Variants in NOL4 observed in about 807,000 individuals in gnomAD.
NOL4 encodes nucleolar protein 4.
In NOL4, 17 loss-of-function variants were observed where a neutral mutation model predicts 75.9. The ratio of observed to expected loss-of-function variants is 0.22; its 90% CI spans 0.15 to 0.34. NOL4 has a LOEUF of 0.34. NOL4 is among the 10% of genes least tolerant of loss of function. The pLI, the probability that NOL4 is intolerant of heterozygous loss-of-function variation, is 1.00. For synonymous variants in NOL4, 292 were observed against 289.9 expected (o/e 1.01, Z -0.07); for missense variants, 614 against 793.5 (o/e 0.77, Z 2.72).
chr18:34,149,548 G>A (rs1489189455), intron 1 of NOL4, among the ~76,000 whole-genome samples: 1 of 151,514 alleles, frequency 6.6e-6, no homozygotes, highest in East Asian at 1.9e-4. Flanking sequence ...TGTTTTAATA[G>A]GAAGTAAACA....
At chr18:33,985,221 G>A (rs114099203) in intron 6 of NOL4, among the ~76,000 whole-genome samples, 83 of 152,202 alleles carry the variant, frequency 5.5e-4, no homozygotes, top group African/African-American at 1.9e-3. Context: ...AACTCTAAAT[G>A]TTTACCACAG....
rs551537304 is a variant in NOL4, at chr18:33,851,659, A to G, written c.*1183T>C. 4.2e-4 allele frequency: 64 copies of G among 152,552 alleles called. No homozygotes were observed. Among genetic ancestry groups the G allele is most frequent in the African/African-American group, 1.5e-3 (63 of 41,574 alleles). The allele number at this position is 152,552 out of a possible 1,614,324, so 9.4% of individuals were successfully genotyped here. ...AGGCTTGTCTCAGTGCACAAAGAAA[A>G]CATCACTCATGTGTATCCCACACTA... On this transcript the variant is annotated 3_prime_UTR_variant, in exon 11 of 11. Transcript: ENST00000261592.
chr18:34,112,097 G>T (rs546828761), intron 2 of NOL4, among the ~76,000 whole-genome samples: 1 of 151,952 alleles, frequency 6.6e-6, no homozygotes, highest in East Asian at 1.9e-4. Context: ...GGCCAGGTAC[G>T]GTGGCCCACA....
chr18:34,189,569 A>G (rs112828298), intron 1 of NOL4, among the ~76,000 whole-genome samples: 2,905 of 152,226 alleles, frequency 0.019, 47 homozygotes, highest in South Asian at 0.032. Context: ...AAATCAAAGA[A>G]TCCCTATTAA....
At chr18:34,222,501 C>T (rs1806559766) in intron 1 of NOL4, 3 of 953,758 alleles carry the variant, frequency 3.1e-6, no homozygotes, top group Admixed American at 6.1e-5. Context: ...AACCCCACAT[C>T]CACCGCTAGC....
chr18:33,941,865 T>C (rs2068513406), intron 9 of NOL4, among the ~76,000 whole-genome samples: 1 of 151,950 alleles, frequency 6.6e-6, no homozygotes, highest in Non-Finnish European at 1.5e-5. Flanking sequence ...TAGATACATT[T>C]TATAGATATA....
At chr18:33,915,668 T>C (rs962080140) in intron 9 of NOL4, among the ~76,000 whole-genome samples, 1 of 152,120 alleles carries the variant, frequency 6.6e-6, no homozygotes, top group African/African-American at 2.4e-5. Context: ...TATGAAGAAC[T>C]GTCTTATGAA....
intron 10 of NOL4, among the ~76,000 whole-genome samples, chr18:33,882,180 G>A (rs1409350337): frequency 6.6e-6 from 1 of 152,128 alleles, no homozygotes; most frequent in African/African-American, 2.4e-5. Context: ...AAAAGCAATG[G>A]CAACAAAAGC....
intron 9 of NOL4, among the ~76,000 whole-genome samples, chr18:33,900,938 A>T (rs2065711877): frequency 6.6e-6 from 1 of 152,292 alleles, no homozygotes; most frequent in Non-Finnish European, 1.5e-5. Flanking sequence ...ATGTAGATGC[A>T]TTATTTGTTA....
At position 34,019,395 on chromosome 18, in the gene NOL4, T is replaced by G. The variant is rs1428689855; in HGVS notation, c.979A>C (p.Asn327His). The change falls in exon 6 of 11, where the codon AAT (asparagine) becomes CAT (histidine). Residue 327 changes from asparagine to histidine, a missense_variant. Physicochemically the swap from Asn to His is moderately conservative, Grantham distance 68. Coordinates refer to ENST00000261592, the MANE Select transcript of NOL4 (RefSeq NM_003787.5). ...AGATTCTTATACTTGTTTTTCCCATTACTGTTGTGATCATCTATTCTGTAT... is the reference window on the plus strand; with the variant it reads ...AGATTCTTATACTTGTTTTTCCCATGACTGTTGTGATCATCTATTCTGTAT... Reference protein sequence around the residue: ...SEYRIDDHNSNGKNKYKNLLI... With the variant: ...SEYRIDDHNSHGKNKYKNLLI... 6.2e-7 allele frequency: 1 copy of G among 1,614,038 alleles called. No homozygotes were observed. The highest frequency in any genetic ancestry group is 1.7e-5 in the Admixed American group (1 of 60,002).
intron 6 of NOL4, among the ~76,000 whole-genome samples, chr18:33,999,143 G>GTTTTT (rs543045505): frequency 1.5e-5 from 2 of 133,590 alleles, no homozygotes; most frequent in Non-Finnish European, 1.6e-5. Context: ...ATAATGCTGA[G>GTTTTT]TTTTTTTTTT....
intron 5 of NOL4, among the ~76,000 whole-genome samples, chr18:34,037,784 T>C (rs1444305420): frequency 1.3e-5 from 2 of 152,004 alleles, no homozygotes. Context: ...AGACTTACAC[T>C]TACCCAAAAT....
intron 9 of NOL4, among the ~76,000 whole-genome samples, chr18:33,928,328 C>T (rs2067469717): frequency 6.6e-6 from 1 of 152,086 alleles, no homozygotes; most frequent in Non-Finnish European, 1.5e-5. Flanking sequence ...TAACAACAGC[C>T]TAAACCAAAG....
intron 1 of NOL4, among the ~76,000 whole-genome samples, chr18:34,194,961 T>C (rs1600847509): frequency 6.6e-6 from 1 of 150,866 alleles, no homozygotes; most frequent in Non-Finnish European, 1.5e-5. Context: ...GAGGCAGAGG[T>C]TGGGGTGAGC....
chr18:34,035,942 T>G (rs2075873090), intron 5 of NOL4, among the ~76,000 whole-genome samples: 1 of 152,038 alleles, frequency 6.6e-6, no homozygotes, highest in South Asian at 2.1e-4. Flanking sequence ...ATAGAAAACC[T>G]GAACAGACCA....
intron 2 of NOL4, among the ~76,000 whole-genome samples, chr18:34,112,465 G>A (rs2079641334): frequency 1.3e-5 from 2 of 151,992 alleles, no homozygotes; most frequent in Admixed American, 6.6e-5. Flanking sequence ...AATTTTATAT[G>A]TGTATATATA....
At chr18:34,101,572 T>C (rs1003009563) in intron 4 of NOL4, among the ~76,000 whole-genome samples, 7 of 152,168 alleles carry the variant, frequency 4.6e-5, no homozygotes, top group African/African-American at 1.7e-4. Flanking sequence ...AGTTTATCAA[T>C]TGGAATCATT....
intron 5 of NOL4, among the ~76,000 whole-genome samples, chr18:34,088,744 T>C (rs761939858): frequency 1.3e-5 from 2 of 152,114 alleles, no homozygotes; most frequent in South Asian, 2.1e-4. Context: ...TCAACTTAGT[T>C]TCCTCAAAAC....
At chr18:33,990,937 A>G (rs1378814159) in intron 6 of NOL4, among the ~76,000 whole-genome samples, 1 of 151,952 alleles carries the variant, frequency 6.6e-6, no homozygotes, top group Non-Finnish European at 1.5e-5. Context: ...TTTTAAAAAT[A>G]CAAAATCTGA....
Sources: gnomAD v4.1 joint callset for allele counts (sites outside exome capture counted in the v4.1 genomes callset) on GRCh38, gnomAD v4.1.1 for gene constraint, MANE v1.5 for transcripts, NCBI Gene and HGNC (gene_info 2026-07-23, HGNC 2026-07-21) for gene names.